The following ABCC8 variants were observed in gnomAD, a reference collection of about 807,000 sequenced individuals.
ABCC8 encodes the protein ATP binding cassette subfamily C member 8.
ABCC8 carries 137 observed loss-of-function variants against 188.0 expected under a neutral mutation model. The ratio of observed to expected loss-of-function variants is 0.73; its 90% CI spans 0.63 to 0.84. The LOEUF (loss-of-function observed/expected upper bound fraction) is 0.84. Ranked by LOEUF, ABCC8 falls within the 40% of genes least tolerant of loss-of-function variation. ABCC8 has a pLI of 0.00. For missense variants in ABCC8, 1,750 were observed against 2,072.7 expected (o/e 0.84, Z 3.02); for synonymous variants, 797 against 846.5 (o/e 0.94, Z 1.01).
chr11:17,392,861 G>A (rs1200081385), downstream of ABCC8: 10 of 1,148,628 alleles, frequency 8.7e-6, no homozygotes, highest in Non-Finnish European at 1.3e-5. Context: ...GCCAGCCCCT[G>A]CCCACCAGAC....
rs553909531 is a variant in ABCC8 at position 17,428,038 on chromosome 11, A to G, written c.2041-96T>C. On this transcript the variant is annotated intron_variant, in intron 14 of 38. Coordinates refer to ENST00000389817, the MANE Select transcript of ABCC8 (RefSeq NM_000352.6). ...CTTCCCCTCCTCCATGAAAGCCAAA[A>G]GACACTGATTCCAGCCCCTGGATCA... is the stretch of plus-strand genomic sequence containing the variant. 115 of 1,586,050 alleles carry G rather than the reference A, an allele frequency of 7.3e-5. 1 individual carries two copies. The South Asian group carries it at 1.2e-3, about 16-fold the overall frequency.
chr11:17,426,190 G>A (rs1174814637), intron 16 of ABCC8, among the ~76,000 whole-genome samples: 1 of 152,074 alleles, frequency 6.6e-6, no homozygotes, highest in Non-Finnish European at 1.5e-5. Flanking sequence ...TAATCCTTTG[G>A]GTATATACCC....
Position 17,456,036 on chromosome 11 carries a change from G to A in ABCC8, c.1012-2753C>T, listed in dbSNP as rs578084108. On this transcript the variant is annotated intron_variant, in intron 6 of 38. Coordinates refer to ENST00000389817, the MANE Select transcript of ABCC8 (RefSeq NM_000352.6). ...AGGCCCTGTTGGAGTCTACCGAGAA[G>A]AGGGTCCTAGGAAACGGGGAGGGGA... Among the ~76,000 whole-genome samples the A allele has an allele frequency of 2.6e-5, 4 of 151,806 alleles. No homozygotes were observed. In the South Asian group the frequency reaches 8.4e-4, roughly 32 times the overall value.
At chr11:17,415,520 C>T (rs2133482866) in intron 17 of ABCC8, 181 bp from the exon 18 acceptor site, 1 of 895,934 alleles carries the variant, frequency 1.1e-6, no homozygotes, top group South Asian at 5.1e-5. Context: ...CTTGGGGAAG[C>T]CTCTGCTGCC....
chr11:17,473,287 G>A, intron 2 of ABCC8, among the ~76,000 whole-genome samples: 1 of 151,990 alleles, frequency 6.6e-6, no homozygotes, highest in East Asian at 1.9e-4. Flanking sequence ...GGTGGAGGCG[G>A]ACTTGTCACG....
intron 8 of ABCC8, among the ~76,000 whole-genome samples, chr11:17,444,729 C>T (rs1286117720): frequency 6.6e-6 from 1 of 152,200 alleles, no homozygotes; most frequent in Non-Finnish European, 1.5e-5. Context: ...AAAAATCTAG[C>T]ATAGTGGGGA....
chr11:17,449,848 A>G (rs1309277557), intron 7 of ABCC8, among the ~76,000 whole-genome samples: 1 of 152,230 alleles, frequency 6.6e-6, no homozygotes, highest in East Asian at 1.9e-4. Context: ...GGTTTAAAAT[A>G]ATGAACCTAT....
chr11:17,429,080 G>A (rs1163245109), intron 12 of ABCC8: 1 of 222,506 alleles, frequency 4.5e-6, no homozygotes, highest in Non-Finnish European at 8.9e-6. Context: ...CTGTTTTGTA[G>A]CATTATGTAA....
At chr11:17,446,128 G>T (rs1181663716) in intron 8 of ABCC8, among the ~76,000 whole-genome samples, 1 of 151,982 alleles carries the variant, frequency 6.6e-6, no homozygotes, top group African/African-American at 2.4e-5. Flanking sequence ...ATCATGCCCG[G>T]CTAATTTTTG....
chr11:17,415,435 C>T (rs1048087642), intron 17 of ABCC8, 96 bp from the exon 18 acceptor site: 1 of 1,553,622 alleles, frequency 6.4e-7, no homozygotes, highest in Non-Finnish European at 8.7e-7. Flanking sequence ...CATGAGCATG[C>T]CTTTACAATC....
chr11:17,443,052 A>G (rs1456792412), intron 9 of ABCC8, 126 bp downstream of exon 9: 2 of 1,494,254 alleles, frequency 1.3e-6, no homozygotes, highest in Non-Finnish European at 1.8e-6. Flanking sequence ...AGGCCTGGAC[A>G]GGTGAAGTGG....
chr11:17,403,627 C>G (rs1954359082), intron 28 of ABCC8, among the ~76,000 whole-genome samples: 1 of 152,174 alleles, frequency 6.6e-6, no homozygotes, highest in South Asian at 2.1e-4. Flanking sequence ...TAGTTTCTAG[C>G]CAACTATGTG....
chr11:17,448,504 C>A lies in ABCC8; in HGVS notation c.1332+12G>T. 1 of 1,613,234 alleles carries A rather than the reference C, an allele frequency of 6.2e-7. No homozygotes were observed. Among genetic ancestry groups the A allele is most frequent in the Non-Finnish European group, 8.5e-7 (1 of 1,179,260 alleles). ...TGCTGCCCCCCTCCCTTCCCCTCAG[C>A]CCATCTAGTACCTGTACTGGCATAG... On this transcript the variant is annotated intron_variant, in intron 8 of 38. Coordinates refer to ENST00000389817, the MANE Select transcript of ABCC8 (RefSeq NM_000352.6).
chr11:17,434,644 A>C (rs1372508831), intron 10 of ABCC8, among the ~76,000 whole-genome samples: 3 of 152,216 alleles, frequency 2.0e-5, no homozygotes, highest in Non-Finnish European at 4.4e-5. Context: ...TTGACACTTC[A>C]TTCTACTGCA....
chr11:17,397,739 A>G lies in ABCC8; in HGVS notation c.3812T>C (p.Leu1271Pro), dbSNP rs778043835. 8.7e-6 allele frequency: 14 copies of G among 1,613,730 alleles called. No homozygotes were observed. Among genetic ancestry groups the G allele is most frequent in the African/African-American group, 1.3e-5 (1 of 74,928 alleles). The change falls in exon 31 of 39, where the codon CTG (leucine) becomes CCG (proline). Residue 1271 changes from leucine (L) to proline (P), a missense_variant. By Grantham distance (98) the Leu-to-Pro change is moderately conservative. Transcript: ENST00000389817. ...CAGGCCAGCAGAGAGCTCCCTGTGC[A>G]GGGAGTTGGAGATGGAGGTCACCGC... Reference protein sequence around the residue: ...IAAVTSISNSLHRELSAGLVG... With the variant: ...IAAVTSISNSPHRELSAGLVG...
intron 20 of ABCC8, 38 bp from the exon 21 acceptor site, chr11:17,412,784 C>G: frequency 6.3e-7 from 1 of 1,582,646 alleles, no homozygotes; most frequent in Non-Finnish European, 8.6e-7. Context: ...TGCCCTCAGC[C>G]ATTCAGGAGA....
At chr11:17,451,542 C>T (rs936688479) in intron 7 of ABCC8, among the ~76,000 whole-genome samples, 3 of 152,242 alleles carry the variant, frequency 2.0e-5, no homozygotes, top group Non-Finnish European at 4.4e-5. Flanking sequence ...GACATTGTCC[C>T]CAGCCCAAGC....
intron 13 of ABCC8, 51 bp downstream of exon 13, chr11:17,428,514 T>C: frequency 1.2e-6 from 2 of 1,609,600 alleles, no homozygotes; most frequent in Non-Finnish European, 1.7e-6. Flanking sequence ...GCCCAAGTTT[T>C]GGGCCTTAGA....
chr11:17,431,073 A>G (rs1955826983), intron 11 of ABCC8, 114 bp from the exon 12 acceptor site: 16 of 1,508,890 alleles, frequency 1.1e-5, no homozygotes, highest in Non-Finnish European at 1.4e-5. Context: ...GCAGGCTCCT[A>G]AGAGGATCTT....
Sources: allele counts gnomAD v4.1 joint callset (sites outside exome capture counted in the v4.1 genomes callset), GRCh38; gene constraint gnomAD v4.1.1; transcripts MANE v1.5; gene names NCBI Gene and HGNC (gene_info 2026-07-23, HGNC 2026-07-21).